Variants in NR3C2 observed in about 807,000 individuals in gnomAD.
NR3C2 encodes nuclear receptor subfamily 3 group C member 2.
A neutral mutation model predicts 86.4 loss-of-function variants in NR3C2; 15 were observed. The observed-to-expected ratio is 0.17, with a 90% CI of 0.12 to 0.27. The LOEUF is 0.27. Among genes scored for constraint, NR3C2 ranks in the 10% least tolerant of loss-of-function variants. NR3C2 has a pLI of 1.00. For synonymous variants in NR3C2, 458 were observed against 450.5 expected (o/e 1.02, Z -0.21); for missense variants, 960 against 1,195.6 (o/e 0.80, Z 2.91).
chr4:148,259,186 A>G (rs1739972544), intron 3 of NR3C2, among the ~76,000 whole-genome samples: 1 of 152,176 alleles, frequency 6.6e-6, no homozygotes, highest in African/African-American at 2.4e-5. Flanking sequence ...CTTCATGTGG[A>G]GCCCCTTAGT....
At chr4:148,419,094 C>CA (rs1749146751) in intron 2 of NR3C2, among the ~76,000 whole-genome samples, 1 of 122,648 alleles carries the variant, frequency 8.2e-6, no homozygotes, top group African/African-American at 2.5e-5. Flanking sequence ...GGTTGTTTTT[C>CA]CTTTTTTTTT....
intron 4 of NR3C2, among the ~76,000 whole-genome samples, chr4:148,176,461 A>G (rs969227371): frequency 6.6e-6 from 1 of 152,214 alleles, no homozygotes; most frequent in Non-Finnish European, 1.5e-5. Context: ...AGCATCTGGG[A>G]TGAACCCACC....
chr4:148,420,964 C>T (rs533195386), intron 2 of NR3C2, among the ~76,000 whole-genome samples: 2 of 152,220 alleles, frequency 1.3e-5, no homozygotes, highest in East Asian at 1.9e-4. Context: ...TGCAGAAGTA[C>T]GAGCCAATTA....
chr4:148,349,407 A>G (rs910314922), intron 2 of NR3C2, among the ~76,000 whole-genome samples: 1 of 152,000 alleles, frequency 6.6e-6, no homozygotes, highest in African/African-American at 2.4e-5. Context: ...TTCTCCAGGG[A>G]CAACTCATAA....
intron 8 of NR3C2, among the ~76,000 whole-genome samples, chr4:148,091,580 T>C (rs6535579): frequency 0.71 from 108,453 of 152,170 alleles, 38,657 homozygotes; most frequent in East Asian, 0.82. Flanking sequence ...CCAGAATAGA[T>C]ACTGGTTCCT....
intron 2 of NR3C2, among the ~76,000 whole-genome samples, chr4:148,340,097 G>A (rs1744679686): frequency 6.6e-6 from 1 of 151,828 alleles, no homozygotes; most frequent in Non-Finnish European, 1.5e-5. Context: ...GGAAATTACT[G>A]GTATCATTAA....
At chr4:148,444,578 C>T (rs903886332), upstream of NR3C2, 20 of 988,260 alleles carry the variant, frequency 2.0e-5, no homozygotes, top group Admixed American at 3.1e-4. Context: ...AACGGCTAGA[C>T]TCCCGCCGCC....
chr4:148,280,972 G>A (rs1221923017), intron 2 of NR3C2, among the ~76,000 whole-genome samples: 1 of 152,170 alleles, frequency 6.6e-6, no homozygotes, highest in Non-Finnish European at 1.5e-5. Context: ...GAGAAAGCAA[G>A]GAGCAAAAAG....
chr4:148,224,399 G>A (rs1049272222), intron 3 of NR3C2, among the ~76,000 whole-genome samples: 9 of 152,262 alleles, frequency 5.9e-5, no homozygotes, highest in Middle Eastern at 3.4e-3. Flanking sequence ...TTTCCTCAGC[G>A]CTACACACAG....
At chr4:148,341,683 G>A (rs1435816613) in intron 2 of NR3C2, among the ~76,000 whole-genome samples, 1 of 152,012 alleles carries the variant, frequency 6.6e-6, no homozygotes, top group African/African-American at 2.4e-5. Flanking sequence ...ATTACACATT[G>A]TATGCATATA....
chr4:148,401,377 C>T (rs1407740133), intron 2 of NR3C2, among the ~76,000 whole-genome samples: 1 of 151,738 alleles, frequency 6.6e-6, no homozygotes, highest in East Asian at 1.9e-4. Flanking sequence ...CAGCTTCCCT[C>T]AGTGCTAGAG....
intron 2 of NR3C2, among the ~76,000 whole-genome samples, chr4:148,318,789 T>A (rs971941062): frequency 1.3e-5 from 2 of 152,222 alleles, no homozygotes; most frequent in African/African-American, 2.4e-5. Context: ...CTTTGTCAGA[T>A]GAGTAGGTTG....
chr4:148,426,458 C>A (rs1460933407), intron 2 of NR3C2, among the ~76,000 whole-genome samples: 1 of 152,230 alleles, frequency 6.6e-6, no homozygotes, highest in East Asian at 1.9e-4. Flanking sequence ...CATGCTGTTT[C>A]TCTGGGCATT....
chr4:148,175,652 T>C (rs1735340555), intron 4 of NR3C2, among the ~76,000 whole-genome samples: 1 of 152,216 alleles, frequency 6.6e-6, no homozygotes, highest in South Asian at 2.1e-4. Context: ...TATGAAAATG[T>C]TTCCAACATG....
At chr4:148,136,396 G>T (rs565792394) in intron 6 of NR3C2, among the ~76,000 whole-genome samples, 65 of 152,024 alleles carry the variant, frequency 4.3e-4, no homozygotes, top group African/African-American at 1.5e-3. Context: ...CAAAAGGAGA[G>T]GGGGAGAGAC....
At chr4:148,423,085 G>A (rs17485033) in intron 2 of NR3C2, among the ~76,000 whole-genome samples, 14,926 of 151,734 alleles carry the variant, frequency 0.098, 804 homozygotes, top group Middle Eastern at 0.13. Context: ...TTTACCTCTC[G>A]CTCACCATCC....
intron 6 of NR3C2, among the ~76,000 whole-genome samples, chr4:148,139,964 G>A (rs1733532504): frequency 6.6e-6 from 1 of 152,164 alleles, no homozygotes; most frequent in Non-Finnish European, 1.5e-5. Flanking sequence ...TTCTAGAAAT[G>A]TCTAAAGACA....
chr4:148,302,333 A>T (rs1368617240), intron 2 of NR3C2, among the ~76,000 whole-genome samples: 1 of 152,144 alleles, frequency 6.6e-6, no homozygotes, highest in African/African-American at 2.4e-5. Context: ...AACATTGCTG[A>T]TCCTTGTTTT....
At chr4:148,083,288 C>T (rs1730663878) in intron 8 of NR3C2, among the ~76,000 whole-genome samples, 1 of 152,172 alleles carries the variant, frequency 6.6e-6, no homozygotes, top group South Asian at 2.1e-4. Context: ...CAAAGAGACA[C>T]CTCATACAGG....
Sources: gnomAD v4.1 joint callset for allele counts (sites outside exome capture counted in the v4.1 genomes callset) on GRCh38, gnomAD v4.1.1 for gene constraint, MANE v1.5 for transcripts, NCBI Gene and HGNC (gene_info 2026-07-23, HGNC 2026-07-21) for gene names.